INSL6: variants seen among roughly 807,000 people sequenced by gnomAD.
INSL6 encodes insulin like 6, also known as insulin-like peptide INSL6.
A neutral mutation model predicts 9.4 loss-of-function variants in INSL6; 16 were observed. The ratio of observed to expected loss-of-function variants is 1.70; its 90% CI spans 1.15 to 2.59. INSL6 has a LOEUF of 2.59. INSL6 is among the 30% of genes most tolerant of loss of function. The pLI, the probability that INSL6 is intolerant of heterozygous loss-of-function variation, is 0.00. For synonymous variants in INSL6, 154 were observed against 96.9 expected (o/e 1.59, Z -3.46); for missense variants, 391 against 257.3 (o/e 1.52, Z -3.56).
intron 3 of INSL6, chr9:5,128,171 G>C (rs1318716159): frequency 4.3e-6 from 1 of 230,092 alleles, no homozygotes; most frequent in East Asian, 6.1e-5. Flanking sequence ...AAAGAAAATA[G>C]TTTCTTACTT....
the INSL6 span, among the ~76,000 whole-genome samples, chr9:5,035,025 C>G: frequency 9.2e-5 from 14 of 152,112 alleles, no homozygotes; most frequent in South Asian, 4.1e-4. Flanking sequence ...GAATCAAATA[C>G]ATGCAATAAA....
the INSL6 span, among the ~76,000 whole-genome samples, chr9:5,115,992 C>T: frequency 1.2e-4 from 19 of 152,086 alleles, no homozygotes; most frequent in Admixed American, 7.2e-4. Context: ...ACCACCATGA[C>T]ACGTGTATAC....
At chr9:5,162,736 G>A (rs1824953427), downstream of INSL6, among the ~76,000 whole-genome samples, 1 of 152,176 alleles carries the variant, frequency 6.6e-6, no homozygotes, top group Non-Finnish European at 1.5e-5. Context: ...TTAATGCAAA[G>A]TATGTATGAC....
the INSL6 span, among the ~76,000 whole-genome samples, chr9:5,002,179 T>G: frequency 6.6e-6 from 1 of 151,808 alleles, no homozygotes; most frequent in African/African-American, 2.4e-5. Flanking sequence ...TTAATTTTTG[T>G]TCTTTATTCT....
chr9:5,120,334 C>G (rs1389994416), downstream of INSL6, among the ~76,000 whole-genome samples: 1 of 152,204 alleles, frequency 6.6e-6, no homozygotes, highest in Admixed American at 6.5e-5. Flanking sequence ...ATTAACAACA[C>G]CTGAATTTTG....
At chr9:5,152,545 G>A (rs528299496) in intron 2 of INSL6, among the ~76,000 whole-genome samples, 6 of 152,248 alleles carry the variant, frequency 3.9e-5, no homozygotes, top group Middle Eastern at 3.4e-3. Flanking sequence ...TGTGAGTACA[G>A]TGAAATTTAT....
intron 2 of INSL6, among the ~76,000 whole-genome samples, chr9:5,146,533 A>T (rs1824604873): frequency 6.6e-6 from 1 of 152,150 alleles, no homozygotes; most frequent in Non-Finnish European, 1.5e-5. Flanking sequence ...GTGCCCCATA[A>T]GCAGGAGTGA....
At chr9:5,109,055 C>T in the INSL6 span, 1 of 152,086 alleles carries the variant, frequency 6.6e-6, no homozygotes, top group Non-Finnish European at 1.5e-5. Flanking sequence ...TAAGGGAACT[C>T]TCTGTGATCA....
At chr9:5,065,426 T>G in the INSL6 span, among the ~76,000 whole-genome samples, 1 of 152,142 alleles carries the variant, frequency 6.6e-6, no homozygotes, top group East Asian at 1.9e-4. Context: ...TACTGAAAGG[T>G]TCAAACACAA....
At chr9:5,179,545 A>G (rs1825397636) in intron 1 of INSL6, among the ~76,000 whole-genome samples, 2 of 152,240 alleles carry the variant, frequency 1.3e-5, no homozygotes, top group South Asian at 2.1e-4. Flanking sequence ...ACATGCAAGC[A>G]TATGTTCATT....
chr9:5,022,608 A>G, the INSL6 span, among the ~76,000 whole-genome samples: 1 of 152,226 alleles, frequency 6.6e-6, no homozygotes, highest in Non-Finnish European at 1.5e-5. Flanking sequence ...CTGACAAACC[A>G]TCATTTTCTT....
chr9:5,111,937 C>T, the INSL6 span: 2 of 346,624 alleles, frequency 5.8e-6, no homozygotes, highest in Non-Finnish European at 1.1e-5. Flanking sequence ...CCGGATCACT[C>T]AAGCAATAAC....
chr9:5,142,292 A>C (rs886236197), intron 2 of INSL6, among the ~76,000 whole-genome samples: 1 of 152,274 alleles, frequency 6.6e-6, no homozygotes, highest in Admixed American at 6.5e-5. Context: ...GAATCTGTAG[A>C]TTGCTTTGGG....
chr9:5,041,777 G>A, the INSL6 span: 10 of 488,000 alleles, frequency 2.0e-5, no homozygotes, highest in Non-Finnish European at 3.7e-5. Flanking sequence ...TGCCCTCCCA[G>A]CCTCAGCTTC....
At chr9:5,111,814 G>A in the INSL6 span, 2 of 420,774 alleles carry the variant, frequency 4.8e-6, no homozygotes, top group South Asian at 1.8e-5. Context: ...CCACGTAGGC[G>A]GCGTCTCCAG....
At chr9:5,088,087 C>T in the INSL6 span, among the ~76,000 whole-genome samples, 2 of 152,094 alleles carry the variant, frequency 1.3e-5, no homozygotes, top group Non-Finnish European at 1.5e-5. Flanking sequence ...TCACAACAGC[C>T]TCATGAGATA....
chr9:5,085,632 C>T, the INSL6 span: 3 of 712,666 alleles, frequency 4.2e-6, no homozygotes, highest in Non-Finnish European at 7.8e-6. Context: ...GGACAGCCTT[C>T]TTTTCACCCC....
chr9:5,042,986 G>T, the INSL6 span, among the ~76,000 whole-genome samples: 7 of 152,212 alleles, frequency 4.6e-5, no homozygotes, highest in South Asian at 2.1e-4. Context: ...CAGAAGCTGA[G>T]GGGGGTGGGC....
chr9:5,044,329 G>A, the INSL6 span: 2 of 870,322 alleles, frequency 2.3e-6, no homozygotes, highest in Non-Finnish European at 3.8e-6. Context: ...GTATGCTGTA[G>A]GTGACTATAT....
Sources: gnomAD v4.1 joint callset for allele counts (sites outside exome capture counted in the v4.1 genomes callset) on GRCh38, gnomAD v4.1.1 for gene constraint, MANE v1.5 for transcripts, NCBI Gene and HGNC (gene_info 2026-07-23, HGNC 2026-07-21) for gene names.